COL3A1: variants seen among roughly 807,000 people sequenced by gnomAD.
COL3A1 encodes collagen alpha-1(III) chain.
COL3A1 carries 46 observed loss-of-function variants against 200.9 expected under a neutral mutation model. The observed-to-expected ratio is 0.23, with a 90% CI of 0.18 to 0.29. COL3A1 has a LOEUF of 0.29. Ranked by LOEUF, COL3A1 falls within the 10% of genes least tolerant of loss-of-function variation. The probability of loss-of-function intolerance (pLI) is 1.00; values close to 1 mark genes in which losing one functional copy is unlikely to be tolerated. For synonymous variants in COL3A1, 650 were observed against 628.0 expected, an observed-to-expected ratio of 1.03 and a Z score of -0.52; for missense variants, 1,367 against 1,917.6, an observed-to-expected ratio of 0.71 and a Z score of 5.36.
At chr2:188,974,643 G>T in intron 1 of COL3A1, 75 bp downstream of exon 1, 1 of 1,181,000 alleles carries the variant, frequency 8.5e-7, no homozygotes. Flanking sequence ...GGTGTAAAGG[G>T]GAAAATCAGT....
At position 188,987,155 on chromosome 2, in the gene COL3A1, T is replaced by A; in HGVS notation, c.528+16T>A. On this transcript the variant is annotated intron_variant, in intron 5 of 50. Transcript: ENST00000304636. The stretch of plus-strand genomic sequence containing the variant: ...TGGACCAGCTGTACGTACAAATGTT[T>A]CTCAGCATTTTGGAGCTTTATTATC... 6.2e-7 allele frequency: 1 copy of A among 1,600,434 alleles called. No individual in the cohort carries two copies. The highest frequency in any genetic ancestry group is 8.6e-7 in the Non-Finnish European group (1 of 1,167,938).
At chr2:188,978,114 C>A in intron 1 of COL3A1, 1 of 368,680 alleles carries the variant, frequency 2.7e-6, no homozygotes, top group South Asian at 2.0e-5. Flanking sequence ...GCCTTTAGAT[C>A]ATCTGATGTT....
In COL3A1 at chr2:189,006,352, G is replaced by A. The variant is rs780788248; in HGVS notation, c.3101G>A (p.Arg1034His). 8.7e-6 allele frequency: 14 copies of A among 1,614,034 alleles called. No homozygotes were observed. The highest frequency in any genetic ancestry group is 2.2e-5 in the East Asian group (1 of 44,882). Residue 1034 changes from arginine to histidine, a missense_variant, in exon 43 of 51, where the codon CGT becomes CAT. This residue lies in a region of COL3A1 where 846 missense variants were observed against 1,147.9 expected (regional missense o/e 0.74). Coordinates refer to ENST00000304636, the MANE Select transcript of COL3A1 (RefSeq NM_000090.4). Reference protein sequence around the residue: ...RDGSPGGKGDRGENGSPGAPG... With the variant: ...RDGSPGGKGDHGENGSPGAPG... ...CTATGAATTTGTTCACAGGGTGATC[G>A]TGGTGAAAATGGCTCTCCTGGTGCC...
rs1369406991 is a variant in COL3A1, at chr2:188,992,957, A to G, written c.1050+17A>G. On this transcript the variant is annotated intron_variant, in intron 15 of 50. Coordinates refer to ENST00000304636, the MANE Select transcript of COL3A1 (RefSeq NM_000090.4). ...GGTGCTAAGGTAAACATGTGTTTCT[A>G]TAGAAGGGTATAAAAATATCTTGGA... 8 of 1,612,040 alleles carry G rather than the reference A, an allele frequency of 5.0e-6. No individual in the cohort carries two copies. Among genetic ancestry groups the G allele is most frequent in the Non-Finnish European group, 5.9e-6 (7 of 1,178,168 alleles).
chr2:188,978,060 G>C, intron 1 of COL3A1: 1 of 408,710 alleles, frequency 2.4e-6, no homozygotes, highest in South Asian at 1.8e-5. Flanking sequence ...TAATAACAGA[G>C]CCTTGAAAAA....
At chr2:188,979,737 G>A (rs1157082865) in intron 1 of COL3A1, among the ~76,000 whole-genome samples, 1 of 151,672 alleles carries the variant, frequency 6.6e-6, no homozygotes, top group African/African-American at 2.4e-5. Context: ...AAAATCATAT[G>A]GGACAGAGCT....
In COL3A1 at chr2:188,998,168, T is replaced by A. The variant is rs1576467614; in HGVS notation, c.1924-98T>A. On this transcript the variant is annotated intron_variant, in intron 27 of 50. Transcript: ENST00000304636. ...TCTACCCCTACAAGACCACTGGAAC[T>A]TTTTTTTAATATCTTGCAGAAACAT... 5 of 1,143,044 alleles carry A rather than the reference T, an allele frequency of 4.4e-6. No individual in the cohort carries two copies. In the East Asian group the frequency reaches 1.2e-4, roughly 28 times the overall value. The allele number at this position is 1,143,044 out of a possible 1,614,324, so 70.8% of individuals were successfully genotyped here.
At chr2:189,011,566 A>T (rs41265553) in intron 50 of COL3A1, 62 bp from the exon 51 acceptor site, 1 of 1,600,482 alleles carries the variant, frequency 6.2e-7, no homozygotes, top group Non-Finnish European at 8.6e-7. Context: ...TTAACTTGTT[A>T]AGTCAGAGTT....
chr2:188,994,945 T>A lies in COL3A1; in HGVS notation c.1456-101T>A. On this transcript the variant is annotated intron_variant, in intron 20 of 50. Coordinates refer to ENST00000304636, the MANE Select transcript of COL3A1 (RefSeq NM_000090.4). This position sits in a 1 kb window ranked among gnomAD's most constrained non-coding sequence, Gnocchi z 4.5. ...TAAGTTGAGTGTTCAGTGAAAATATTGTTTAAAGCATTCTATGACATAAAA... is the reference window on the plus strand; with the variant it reads ...TAAGTTGAGTGTTCAGTGAAAATATAGTTTAAAGCATTCTATGACATAAAA... The A allele has an allele frequency of 6.4e-7, 1 of 1,550,656 alleles. No homozygotes were observed. The highest frequency in any genetic ancestry group is 2.2e-5 in the East Asian group (1 of 44,552).
At chr2:188,997,564 G>T in intron 26 of COL3A1, 136 bp from the exon 27 acceptor site, 6 of 1,134,408 alleles carry the variant, frequency 5.3e-6, no homozygotes, top group Non-Finnish European at 7.9e-6. Flanking sequence ...GAGTGTACAT[G>T]TGTGCTTTGG....
chr2:188,990,409 T>C, intron 10 of COL3A1, 49 bp downstream of exon 10: 2 of 1,469,878 alleles, frequency 1.4e-6, no homozygotes, highest in Non-Finnish European at 9.5e-7. Context: ...TGGGCTATGT[T>C]TACTTGCCTA....
Position 188,974,504 on chromosome 2 carries a change from G to C in COL3A1, c.15G>C (p.Val5=). The change falls in exon 1 of 51, where the codon GTG becomes GTC. Residue 5 remains valine, a synonymous_variant. Coordinates refer to ENST00000304636, the MANE Select transcript of COL3A1 (RefSeq NM_000090.4). MMSF[V]QKGSWLLLAL... ...GATATTTAGACATGATGAGCTTTGT[G>C]CAAAAGGGGAGCTGGCTACTTCTCG... The C allele has an allele frequency of 6.2e-7, 1 of 1,613,942 alleles. No individual in the cohort carries two copies. Among genetic ancestry groups the C allele is most frequent in the Middle Eastern group, 1.6e-4 (1 of 6,062 alleles).
In COL3A1 at chr2:188,984,866, C is replaced by T. The variant is rs764749176; in HGVS notation, c.186C>T (p.Cys62=). The change falls in exon 2 of 51, where the codon TGC becomes TGT. Residue 62 remains cysteine (C), a synonymous_variant. Coordinates refer to ENST00000304636, the MANE Select transcript of COL3A1 (RefSeq NM_000090.4). The part of the protein sequence containing the change: ...ICVCDSGSVL[C]DDIICDDQEL... ...TCTGTGACTCAGGATCCGTTCTCTG[C>T]GATGACATAATATGTGACGATCAAG... is the stretch of plus-strand genomic sequence containing the variant. 29 of 1,613,196 alleles carry T rather than the reference C, an allele frequency of 1.8e-5. No individual in the cohort carries two copies. Among genetic ancestry groups the T allele is most frequent in the East Asian group, 1.8e-4 (8 of 44,848 alleles).
chr2:188,995,251 A>T, intron 21 of COL3A1, 152 bp downstream of exon 21: 1 of 751,246 alleles, frequency 1.3e-6, no homozygotes. Context: ...CTGTTCAACA[A>T]CTTTCCTGGC....
At chr2:188,992,766 T>G (rs1183413173) in intron 14 of COL3A1, 121 bp from the exon 15 acceptor site, 6 of 821,754 alleles carry the variant, frequency 7.3e-6, no homozygotes, top group Non-Finnish European at 1.1e-5. Flanking sequence ...CCATAAAATA[T>G]GAATATCATT....
chr2:188,993,349 T>C lies in COL3A1; in HGVS notation c.1051-12T>C. 1 of 1,559,980 alleles carries C rather than the reference T, an allele frequency of 6.4e-7. No homozygotes were observed. On this transcript the variant is annotated splice_polypyrimidine_tract_variant and intron_variant, in intron 15 of 50. Coordinates refer to ENST00000304636, the MANE Select transcript of COL3A1 (RefSeq NM_000090.4). ...GGTAAGAGAAACTGACTACACAAGG[T>C]TTTACCATTAGGGTGAAGTTGGACC...
chr2:188,994,152 A>T lies in COL3A1; in HGVS notation c.1194+70A>T. The stretch of plus-strand genomic sequence containing the variant: ...TGGCTTCTTTTGCATTTTGCATGAC[A>T]ATAGATTTGTGATATTTAAGTGAGA... On this transcript the variant is annotated intron_variant, in intron 17 of 50. Coordinates refer to ENST00000304636, the MANE Select transcript of COL3A1 (RefSeq NM_000090.4). This position sits in a 1 kb window ranked among gnomAD's most constrained non-coding sequence, Gnocchi z 4.5. 6 of 1,611,480 alleles carry T rather than the reference A, an allele frequency of 3.7e-6. No homozygotes were observed. In the East Asian group the frequency reaches 1.1e-4, roughly 30 times the overall value.
chr2:189,010,482 C>G (rs934117883), intron 49 of COL3A1, 117 bp downstream of exon 49: 5 of 1,481,412 alleles, frequency 3.4e-6, no homozygotes, highest in Non-Finnish European at 4.7e-6. Flanking sequence ...GCAGTTTTTG[C>G]TACTGAAAGT....
At position 189,002,476 on chromosome 2, in the gene COL3A1, A is replaced by G. The variant is rs549591774; in HGVS notation, c.2445+125A>G. 1.3e-5 allele frequency: 11 copies of G among 832,994 alleles called. No individual in the cohort carries two copies. The South Asian group carries it at 1.6e-4, about 12-fold the overall frequency. The allele number at this position is 832,994 out of a possible 1,614,324, so 51.6% of individuals were successfully genotyped here. A position where few individuals can be genotyped will look rare whatever the true frequency, so the allele number is the denominator to read the frequency against. ...TTAGCTGCTCATTCCCTATAGGATT[A>G]TTGTACCCCTATTTTGTTTTACTTT... On this transcript the variant is annotated intron_variant, in intron 35 of 50. Transcript: ENST00000304636.
Sources: allele counts gnomAD v4.1 joint callset (sites outside exome capture counted in the v4.1 genomes callset), GRCh38; gene constraint gnomAD v4.1.1; regional missense constraint gnomAD v4.1.1; non-coding constraint Gnocchi (gnomAD v3.1); transcripts MANE v1.5; gene names NCBI Gene and HGNC (gene_info 2026-07-23, HGNC 2026-07-21).